MED10: variants seen among roughly 807,000 people sequenced by gnomAD.
The protein encoded by MED10 is mediator of RNA polymerase II transcription subunit 10.
MED10 carries 9 observed loss-of-function variants against 17.2 expected under a neutral mutation model. That is an observed-to-expected ratio of 0.52 (90% confidence interval 0.31 to 0.91). The LOEUF is 0.91. Ranked by LOEUF, MED10 falls within the 40% of genes least tolerant of loss-of-function variation. The probability of loss-of-function intolerance (pLI) is 0.04; values close to 1 mark genes in which losing one functional copy is unlikely to be tolerated. For synonymous variants in MED10, 66 were observed against 59.8 expected (o/e 1.10, Z -0.48); for missense variants, 129 against 164.8 (o/e 0.78, Z 1.19).
chr5:6,376,093 G>A (rs764999697), intron 2 of MED10, among the ~76,000 whole-genome samples: 13 of 152,146 alleles, frequency 8.5e-5, no homozygotes, highest in African/African-American at 1.9e-4. Context: ...CAAGACCTTC[G>A]TCCCACCTGA....
In MED10 at chr5:6,375,777, T is replaced by C. The variant is rs1386188811; in HGVS notation, c.207-1351A>G. Among the ~76,000 whole-genome samples, 3 of 152,152 alleles carry C rather than the reference T, an allele frequency of 2.0e-5. No homozygotes were observed. The East Asian group carries it at 5.8e-4, about 29-fold the overall frequency. ...TGGGACCTGGAAATTCCTTCTACAT[T>C]GGGTAGACACCAACCACCGATTTGC... On this transcript the variant is annotated intron_variant, in intron 2 of 3. Transcript: ENST00000255764.
rs767344062 is a variant in MED10, at chr5:6,372,511, G to T, written c.400C>A (p.Pro134Thr). The T allele has an allele frequency of 1.2e-6, 2 of 1,613,892 alleles. No homozygotes were observed. The highest frequency in any genetic ancestry group is 1.7e-6 in the Non-Finnish European group (2 of 1,179,752). Residue 134 changes from proline to threonine, a missense_variant, in exon 4 of 4, where the codon CCT becomes ACT. Around this residue, in one of 3 missense-constraint regions of MED10, gnomAD observed 100 missense variants for 121.0 expected, o/e 0.83. Coordinates refer to ENST00000255764, the MANE Select transcript of MED10 (RefSeq NM_032286.3). ...YRSIRGEDHP[P>T]S ...CAGGGAGGGTGAGCTGGTTAAGAAG[G>T]CGGGTGATCCTCCCCCCGGATGCTT...
intron 2 of MED10, 116 bp from the exon 3 acceptor site, chr5:6,374,542 T>C: frequency 1.4e-6 from 1 of 723,280 alleles, no homozygotes; most frequent in Non-Finnish European, 2.5e-6. Context: ...CGGCCTTGTT[T>C]AGACAAAACT....
At chr5:6,375,957 C>A (rs772442164) in intron 2 of MED10, among the ~76,000 whole-genome samples, 2 of 152,216 alleles carry the variant, frequency 1.3e-5, no homozygotes, top group Non-Finnish European at 2.9e-5. Context: ...TCAGAAGACA[C>A]AAGTAGTTAC....
intron 2 of MED10, among the ~76,000 whole-genome samples, chr5:6,376,627 G>A (rs1187712446): frequency 6.6e-6 from 1 of 152,208 alleles, no homozygotes; most frequent in Admixed American, 6.5e-5. Flanking sequence ...AAAACAGTGA[G>A]CAGCCTCCCC....
Position 6,377,180 on chromosome 5 carries a change from C to A in MED10, c.192G>T (p.Pro64=). Reference sequence around the variant, plus strand: ...ATGTTACTTACTCAAAAACTTCTAACGGTACAGTAATATCATGAAGCTGCT... The same window carrying A: ...ATGTTACTTACTCAAAAACTTCTAAAGGTACAGTAATATCATGAAGCTGCT... ...CRQQLHDITV[P]LEVFEYIDQG... The change falls in exon 2 of 4, where the codon CCG becomes CCT. Residue 64 remains proline, a synonymous_variant. Coordinates refer to ENST00000255764, the MANE Select transcript of MED10 (RefSeq NM_032286.3). The A allele has an allele frequency of 6.2e-7, 1 of 1,605,660 alleles. No individual in the cohort carries two copies. Among genetic ancestry groups the A allele is most frequent in the Non-Finnish European group, 8.5e-7 (1 of 1,174,896 alleles).
Position 6,371,935 on chromosome 5 carries a change from T to G in MED10, c.*568A>C, listed in dbSNP as rs1737895765. 6.6e-6 allele frequency: 1 copy of G among 152,266 alleles called. No homozygotes were observed. The highest frequency in any genetic ancestry group is 1.5e-5 in the Non-Finnish European group (1 of 68,068). The allele number at this position is 152,266 out of a possible 1,614,324, so 9.4% of individuals were successfully genotyped here. ...AAATAATTACATGGAATAAGCCACATACTTAGTTTATTATAGGCATGTCTA... is the reference window on the plus strand; with the variant it reads ...AAATAATTACATGGAATAAGCCACAGACTTAGTTTATTATAGGCATGTCTA... On this transcript the variant is annotated 3_prime_UTR_variant, in exon 4 of 4. Transcript: ENST00000255764.
intron 1 of MED10, 46 bp from the exon 2 acceptor site, chr5:6,377,295 C>G (rs950541154): frequency 2.1e-6 from 3 of 1,444,316 alleles, no homozygotes; most frequent in African/African-American, 1.4e-5. Flanking sequence ...TTTCGCTTGA[C>G]AGCATAAGCA....
In MED10 at chr5:6,378,450, G is replaced by A. The variant is rs745857410; in HGVS notation, c.34C>T (p.Leu12=). ...CGAATGTTCTCCACGAACTTCTCCA[G>A]GTGCTCCTCTAGGTGGTCAAACTTC... ...AEKFDHLEEH[L]EKFVENIRQL... The change falls in exon 1 of 4, where the codon CTG becomes TTG. Residue 12 remains leucine, a synonymous_variant. Coordinates refer to ENST00000255764, the MANE Select transcript of MED10 (RefSeq NM_032286.3). 8.2e-5 allele frequency: 133 copies of A among 1,613,636 alleles called. 2 individuals are homozygous for A. In the South Asian group the frequency reaches 1.3e-3, roughly 16 times the overall value.
chr5:6,374,453 C>T, intron 2 of MED10, 27 bp from the exon 3 acceptor site: 3 of 1,479,328 alleles, frequency 2.0e-6, no homozygotes, highest in South Asian at 1.1e-5. Flanking sequence ...TTTCAATTAG[C>T]ATTCTCATGA....
chr5:6,374,134 TG>T (rs1737946837), intron 3 of MED10, among the ~76,000 whole-genome samples, 189 bp downstream of exon 3: 1 of 152,252 alleles, frequency 6.6e-6, no homozygotes, highest in South Asian at 2.1e-4. Context: ...GATTAGTGTA[TG>T]TTTTTTATGC....
In MED10 at chr5:6,372,225, C is replaced by T. The variant is rs984422209; in HGVS notation, c.*278G>A. ...ACATTTCCAAGACTATTTTCCTGCG[C>T]CTCATCTGCCCTCAGAGAGAATGAT... On this transcript the variant is annotated 3_prime_UTR_variant, in exon 4 of 4. Coordinates refer to ENST00000255764, the MANE Select transcript of MED10 (RefSeq NM_032286.3). The T allele has an allele frequency of 6.9e-5, 26 of 376,032 alleles. No individual in the cohort carries two copies. The highest frequency in any genetic ancestry group is 5.1e-4 in the African/African-American group (25 of 48,556). 23.3% of individuals were successfully genotyped at this position (376,032 alleles called of 1,614,324 possible).
intron 3 of MED10, 125 bp from the exon 4 acceptor site, chr5:6,372,726 G>A: frequency 1.5e-6 from 1 of 683,408 alleles, no homozygotes; most frequent in Non-Finnish European, 2.5e-6. Flanking sequence ...GGACTGACCT[G>A]AGACTTCCAC....
Position 6,373,239 on chromosome 5 carries a change from G to A in MED10, c.310-638C>T, listed in dbSNP as rs73736841. On this transcript the variant is annotated intron_variant, in intron 3 of 3. Coordinates refer to ENST00000255764, the MANE Select transcript of MED10 (RefSeq NM_032286.3). ...GCTCCTCCCCTTGCTCCTCCCACTC[G>A]GCCAGAGCGCCAAGAGGCCACTGTG... Among the ~76,000 whole-genome samples, 1,078 of 152,100 alleles carry A rather than the reference G, an allele frequency of 7.1e-3. 13 individuals are homozygous for A. Among genetic ancestry groups the A allele is most frequent in the African/African-American group, 0.025 (1,022 of 41,474 alleles).
rs1156968250 is a variant in MED10 at position 6,371,962 on chromosome 5, T to C, written c.*541A>G. 1 of 152,342 alleles carries C rather than the reference T, an allele frequency of 6.6e-6. No homozygotes were observed. The highest frequency in any genetic ancestry group is 2.4e-5 in the African/African-American group (1 of 41,468). The allele number at this position is 152,342 out of a possible 1,614,324, so 9.4% of individuals were successfully genotyped here. ...CTTAGTTTATTATAGGCATGTCTAA[T>C]TGAAATCCATGAAAACAGTTACATT... On this transcript the variant is annotated 3_prime_UTR_variant, in exon 4 of 4. Transcript: ENST00000255764.
At chr5:6,374,965 A>T in intron 2 of MED10, among the ~76,000 whole-genome samples, 1 of 152,162 alleles carries the variant, frequency 6.6e-6, no homozygotes, top group Middle Eastern at 3.2e-3. Flanking sequence ...CAAGAGCCCC[A>T]GCCCTGACGA....
intron 3 of MED10, among the ~76,000 whole-genome samples, 172 bp from the exon 4 acceptor site, chr5:6,372,773 T>C (rs1737913616): frequency 6.6e-6 from 1 of 152,040 alleles, no homozygotes; most frequent in Non-Finnish European, 1.5e-5. Flanking sequence ...TAGCAACATA[T>C]GCAAAAGGAA....
chr5:6,375,352 A>G (rs568367278), intron 2 of MED10, among the ~76,000 whole-genome samples: 19 of 152,354 alleles, frequency 1.2e-4, no homozygotes, highest in Non-Finnish European at 2.6e-4. Context: ...CCAAAAATAT[A>G]TAATCACTTC....
At chr5:6,375,949 A>G (rs1737978860) in intron 2 of MED10, among the ~76,000 whole-genome samples, 1 of 152,210 alleles carries the variant, frequency 6.6e-6, no homozygotes, top group African/African-American at 2.4e-5. Flanking sequence ...GTTCTGCTTC[A>G]GAAGACACAA....
Sources: allele counts gnomAD v4.1 joint callset (sites outside exome capture counted in the v4.1 genomes callset), GRCh38; gene constraint gnomAD v4.1.1; regional missense constraint gnomAD v4.1.1; transcripts MANE v1.5; gene names NCBI Gene and HGNC (gene_info 2026-07-23, HGNC 2026-07-21).